INTS7: variants seen among roughly 807,000 people sequenced by gnomAD.
INTS7 encodes the protein chromosome 1 open reading frame 73.
In INTS7, 46 loss-of-function variants were observed where a neutral mutation model predicts 109.2. That is an observed-to-expected ratio of 0.42 (90% CI 0.33 to 0.54). The LOEUF (loss-of-function observed/expected upper bound fraction) is 0.54. Ranked by LOEUF, INTS7 falls within the 20% of genes least tolerant of loss-of-function variation. The pLI, the probability that INTS7 is intolerant of heterozygous loss-of-function variation, is 0.07. For synonymous variants in INTS7, 412 were observed against 402.9 expected (o/e 1.02, Z -0.27); for missense variants, 929 against 1,132.4 (o/e 0.82, Z 2.58).
At chr1:211,987,847 A>G (rs758610349) in intron 8 of INTS7, 39 bp downstream of exon 8, 2 of 1,144,260 alleles carry the variant, frequency 1.7e-6, no homozygotes, top group South Asian at 1.3e-5. Context: ...TAAAGGAGTT[A>G]GCACATTATT....
chr1:212,016,799 G>T, intron 4 of INTS7, 87 bp downstream of exon 4: 1 of 1,011,848 alleles, frequency 9.9e-7, no homozygotes. Context: ...GTATCTCTCA[G>T]TGTTTATATA....
intron 1 of INTS7, among the ~76,000 whole-genome samples, chr1:212,022,337 T>C (rs1194047680): frequency 6.6e-6 from 1 of 152,240 alleles, no homozygotes; most frequent in Non-Finnish European, 1.5e-5. Flanking sequence ...TTAAAACTTC[T>C]GCTCTTCAAA....
chr1:211,973,676 C>T (rs1013095038), intron 13 of INTS7, among the ~76,000 whole-genome samples: 2 of 152,168 alleles, frequency 1.3e-5, no homozygotes, highest in Admixed American at 1.3e-4. Context: ...CTCAAAAAAA[C>T]CCTGAGAGTA....
chr1:211,998,291 T>C (rs1050851702), intron 7 of INTS7, among the ~76,000 whole-genome samples: 1 of 152,130 alleles, frequency 6.6e-6, no homozygotes, highest in African/African-American at 2.4e-5. Flanking sequence ...GAAAAAGAAA[T>C]ACAAAGGTAG....
intron 15 of INTS7, 88 bp from the exon 16 acceptor site, chr1:211,966,586 A>C (rs1571857329): frequency 1.3e-6 from 1 of 785,286 alleles, no homozygotes; most frequent in East Asian, 2.5e-5. Context: ...GTCAAGATTT[A>C]ATGATTGCCT....
At position 211,944,943 on chromosome 1, in the gene INTS7, A is replaced by G. The variant is rs376535995; in HGVS notation, c.2442T>C (p.Asn814=). ...TCTGGACAGCAATGGGCTCTGCAGG[A>G]TTCCGGGGCGATGGTGACAGAGCAA... ...IKLALSPSPR[N]PAEPIAVQNN... Residue 814 remains asparagine, a synonymous_variant, in exon 19 of 20, where the codon AAT becomes AAC. Transcript: ENST00000366994. 1.7e-5 allele frequency: 27 copies of G among 1,613,984 alleles called. No individual in the cohort carries two copies. In the African/African-American group the frequency reaches 3.5e-4, roughly 21 times the overall value.
rs375773115 is a variant in INTS7, at chr1:211,959,641, T to A, written c.2183+6789A>T. Among the ~76,000 whole-genome samples the A allele has an allele frequency of 3.3e-5, 5 of 152,060 alleles. No homozygotes were observed. In the East Asian group the frequency reaches 9.6e-4, roughly 29 times the overall value. On this transcript the variant is annotated intron_variant, in intron 16 of 19. Coordinates refer to ENST00000366994, the MANE Select transcript of INTS7 (RefSeq NM_015434.4). The surrounding 1 kb of genome is among the most constrained non-coding windows in gnomAD (Gnocchi z 4.2). ...CTGCTGCTGGTGCATTCTGCCCCCA[T>A]TACCCCCGCATTACCGCCATTGCAT...
chr1:212,022,690 G>A (rs1484859117), intron 1 of INTS7, among the ~76,000 whole-genome samples: 2 of 152,164 alleles, frequency 1.3e-5, no homozygotes, highest in African/African-American at 4.8e-5. Flanking sequence ...CCTTGTTAGT[G>A]GGAATGTAAA....
At chr1:211,991,696 T>TG (rs1296477202) in intron 7 of INTS7, among the ~76,000 whole-genome samples, 3 of 152,248 alleles carry the variant, frequency 2.0e-5, no homozygotes, top group African/African-American at 7.2e-5. Flanking sequence ...GAGAGCAATG[T>TG]AGAAGCTCAG....
chr1:212,017,314 T>C (rs1238552459), intron 3 of INTS7, among the ~76,000 whole-genome samples: 1 of 152,236 alleles, frequency 6.6e-6, no homozygotes, highest in African/African-American at 2.4e-5. Context: ...TTCTGAATTA[T>C]TAAAGCATCA....
chr1:212,015,958 C>T (rs1043744019), intron 4 of INTS7, among the ~76,000 whole-genome samples: 4 of 151,522 alleles, frequency 2.6e-5, no homozygotes, highest in African/African-American at 9.7e-5. Context: ...AAATCTGTTA[C>T]ATTATATAAG....
At chr1:212,020,762 A>G in intron 2 of INTS7, 2 of 1,013,600 alleles carry the variant, frequency 2.0e-6, no homozygotes, top group Non-Finnish European at 1.2e-6. Context: ...ATGCTATAAA[A>G]TAAATTATTA....
chr1:211,999,812 G>A (rs1189124541), intron 7 of INTS7, among the ~76,000 whole-genome samples: 1 of 152,090 alleles, frequency 6.6e-6, no homozygotes, highest in Non-Finnish European at 1.5e-5. Context: ...CAAGGAAAAG[G>A]GGATATATAG....
At chr1:211,968,061 G>A in intron 14 of INTS7, 80 bp from the exon 15 acceptor site, 3 of 690,126 alleles carry the variant, frequency 4.3e-6, no homozygotes, top group Non-Finnish European at 7.0e-6. Flanking sequence ...ACAAAAAAAA[G>A]CACCTTCAAA....
rs779578099 is a variant in INTS7 at position 211,940,824 on chromosome 1, T to C, written c.*1000A>G. ...GATCCACCCCTTCTAACTTAAAACATTGAAGATATTAAATGAGTGTTCTTC... is the reference window on the plus strand; with the variant it reads ...GATCCACCCCTTCTAACTTAAAACACTGAAGATATTAAATGAGTGTTCTTC... On this transcript the variant is annotated 3_prime_UTR_variant, in exon 20 of 20. Transcript: ENST00000366994. The C allele has an allele frequency of 3.9e-5, 6 of 152,200 alleles. No individual in the cohort carries two copies. Among genetic ancestry groups the C allele is most frequent in the African/African-American group, 9.6e-5 (4 of 41,454 alleles). The allele number at this position is 152,200 out of a possible 1,614,324, so 9.4% of individuals were successfully genotyped here. A position where few individuals can be genotyped will look rare whatever the true frequency, so the allele number is the denominator to read the frequency against.
At chr1:211,978,831 T>C (rs3010004) in intron 10 of INTS7, among the ~76,000 whole-genome samples, 115,744 of 152,162 alleles carry the variant, frequency 0.76, 44,406 homozygotes, top group South Asian at 0.8. Context: ...CATCACTGTA[T>C]TATCATTACT....
chr1:212,033,819 T>C (rs1186016648), intron 1 of INTS7, among the ~76,000 whole-genome samples: 3 of 152,094 alleles, frequency 2.0e-5, no homozygotes, highest in African/African-American at 7.2e-5. Context: ...CGGTGGCTCA[T>C]GCCTGTAAAT....
chr1:211,944,741 C>T (rs1662779706), intron 19 of INTS7, 43 bp downstream of exon 19: 7 of 1,491,276 alleles, frequency 4.7e-6, no homozygotes, highest in Non-Finnish European at 6.5e-6. Flanking sequence ...TCAATGAGCT[C>T]ATATAAAACC....
At chr1:212,034,774 T>A (rs927838531) in intron 1 of INTS7, among the ~76,000 whole-genome samples, 1 of 151,894 alleles carries the variant, frequency 6.6e-6, no homozygotes, top group Non-Finnish European at 1.5e-5. Context: ...CTTAACTCAG[T>A]GTAACCCCAA....
Sources: gnomAD v4.1 joint callset for allele counts (sites outside exome capture counted in the v4.1 genomes callset) on GRCh38, gnomAD v4.1.1 for gene constraint, Gnocchi (gnomAD v3.1) non-coding constraint, MANE v1.5 for transcripts, NCBI Gene and HGNC (gene_info 2026-07-23, HGNC 2026-07-21) for gene names.